Variants in BCL11B observed in about 807,000 individuals in gnomAD.
BCL11B encodes the protein BCL11 transcription factor B, also known as B-cell lymphoma/leukemia 11B.
BCL11B carries 8 observed loss-of-function variants against 49.9 expected under a neutral mutation model. The observed-to-expected ratio is 0.16, with a 90% CI of 0.09 to 0.29. The LOEUF (loss-of-function observed/expected upper bound fraction) is 0.29. Among genes scored for constraint, BCL11B ranks in the 10% least tolerant of loss-of-function variants. The pLI, the probability that BCL11B is intolerant of heterozygous loss-of-function variation, is 1.00. For synonymous variants in BCL11B, 739 were observed against 637.4 expected (o/e 1.16, Z -2.40); for missense variants, 1,006 against 1,351.0 (o/e 0.74, Z 4.00).
intron 3 of BCL11B, among the ~76,000 whole-genome samples, chr14:99,229,510 C>T (rs1392606678): frequency 6.6e-6 from 1 of 152,168 alleles, no homozygotes; most frequent in Non-Finnish European, 1.5e-5. Context: ...TAGCCACTCT[C>T]CCTCCCCAAG....
At chr14:99,260,102 A>G (rs1406690080) in intron 1 of BCL11B, among the ~76,000 whole-genome samples, 1 of 152,238 alleles carries the variant, frequency 6.6e-6, no homozygotes, top group Non-Finnish European at 1.5e-5. Context: ...GCTCTAATAA[A>G]TGGGAGGAGG....
At chr14:99,221,703 C>T (rs1007496230) in intron 3 of BCL11B, among the ~76,000 whole-genome samples, 6 of 152,260 alleles carry the variant, frequency 3.9e-5, no homozygotes, top group African/African-American at 1.2e-4. Context: ...AAAGCAATTT[C>T]GCATCTGCGA....
chr14:99,269,455 C>T (rs1889583008), intron 1 of BCL11B, among the ~76,000 whole-genome samples: 1 of 151,744 alleles, frequency 6.6e-6, no homozygotes, highest in Non-Finnish European at 1.5e-5. Flanking sequence ...AAGAGAAGTC[C>T]TCTTCCCTTC....
At chr14:99,261,441 C>T (rs970233936) in intron 1 of BCL11B, among the ~76,000 whole-genome samples, 2 of 152,330 alleles carry the variant, frequency 1.3e-5, no homozygotes, top group African/African-American at 2.4e-5. Context: ...CTGAGTCTCC[C>T]GGCTCTGCAC....
intron 3 of BCL11B, among the ~76,000 whole-genome samples, chr14:99,227,946 G>C (rs1443080509): frequency 6.6e-6 from 1 of 152,134 alleles, no homozygotes; most frequent in Non-Finnish European, 1.5e-5. Context: ...ATTGGAAAGA[G>C]GTCTAGGGTT....
Position 99,176,039 on chromosome 14 carries a change from G to A in BCL11B, c.797C>T (p.Pro266Leu), listed in dbSNP as rs1435642376. ...CACGGCCTCCGGCCCGAGCGGCGGC[G>A]GGATGGTGAGCCGCGGCGTGAGCGA... ...SSSLTPRLTI[P>L]PPLGPEAVAQ... Residue 266 changes from proline to leucine, a missense_variant, in exon 4 of 4, where the codon CCG becomes CTG. By Grantham distance (98) the Pro-to-Leu change is moderately conservative. Transcript: ENST00000357195. 4 of 1,589,500 alleles carry A rather than the reference G, an allele frequency of 2.5e-6. No homozygotes were observed. The highest frequency in any genetic ancestry group is 1.4e-5 in the African/African-American group (1 of 73,456).
intron 3 of BCL11B, among the ~76,000 whole-genome samples, chr14:99,188,107 T>C (rs1314420234): frequency 1.3e-5 from 2 of 152,186 alleles, no homozygotes; most frequent in Admixed American, 6.5e-5. Flanking sequence ...TCTGCGGGGA[T>C]TGATAAAGCA....
chr14:99,202,634 C>T (rs1314314539), intron 3 of BCL11B, among the ~76,000 whole-genome samples: 1 of 152,176 alleles, frequency 6.6e-6, no homozygotes, highest in Admixed American at 6.5e-5. Context: ...GCAGGGCCCA[C>T]AGAGCCCTGG....
In BCL11B at chr14:99,258,833, C is replaced by T. The variant is rs1369470006; in HGVS notation, c.59-994G>A. Among the ~76,000 whole-genome samples the T allele has an allele frequency of 2.6e-5, 4 of 152,322 alleles. No homozygotes were observed. The South Asian group carries it at 8.3e-4, about 32-fold the overall frequency. Reference sequence around the variant, plus strand: ...AAAGCATTTCTTGGAAGATATCAAACCACACTTTCAATGGACTGTATGTTT... The same window carrying T: ...AAAGCATTTCTTGGAAGATATCAAATCACACTTTCAATGGACTGTATGTTT... On this transcript the variant is annotated intron_variant, in intron 1 of 3. Coordinates refer to ENST00000357195, the MANE Select transcript of BCL11B (RefSeq NM_138576.4).
In BCL11B at chr14:99,220,071, T is replaced by C. The variant is rs376466306; in HGVS notation, c.640+11274A>G. Among the ~76,000 whole-genome samples, 33 of 152,016 alleles carry C rather than the reference T, an allele frequency of 2.2e-4. No individual in the cohort carries two copies. The South Asian group carries it at 6.9e-3, about 32-fold the overall frequency. On this transcript the variant is annotated intron_variant, in intron 3 of 3. Transcript: ENST00000357195. Reference sequence around the variant, plus strand: ...GTTCCTTGGCTATCAACTCCAACAGTCCAAAAAACACTAAAATTACCCAAC... The same window carrying C: ...GTTCCTTGGCTATCAACTCCAACAGCCCAAAAAACACTAAAATTACCCAAC...
chr14:99,249,587 T>G (rs12893398), intron 2 of BCL11B, among the ~76,000 whole-genome samples: 61,367 of 152,090 alleles, frequency 0.4, 13,587 homozygotes, highest in Non-Finnish European at 0.5. Flanking sequence ...GAGAGGTGGA[T>G]GGAATGTAGG....
chr14:99,194,442 G>A lies in BCL11B; in HGVS notation c.641-18247C>T, dbSNP rs1359035841. Among the ~76,000 whole-genome samples, 3 of 152,234 alleles carry A rather than the reference G, an allele frequency of 2.0e-5. No individual in the cohort carries two copies. Among genetic ancestry groups the A allele is most frequent in the Admixed American group, 6.5e-5 (1 of 15,284 alleles). ...GCATGGCCAGAGCTCTGTCCTTCTC[G>A]GCTTCTGCCCTGTGGGGCACCCAGA... On this transcript the variant is annotated intron_variant, in intron 3 of 3. Coordinates refer to ENST00000357195, the MANE Select transcript of BCL11B (RefSeq NM_138576.4). The surrounding 1 kb of genome is among the most constrained non-coding windows in gnomAD (Gnocchi z 4.6).
chr14:99,182,005 A>G (rs1429743325), intron 3 of BCL11B, among the ~76,000 whole-genome samples: 3 of 152,232 alleles, frequency 2.0e-5, no homozygotes, highest in Non-Finnish European at 4.4e-5. Flanking sequence ...TCATGACGTC[A>G]GAAAGGAGAT....
At position 99,247,284 on chromosome 14, in the gene BCL11B, C is replaced by T. The variant is rs1356070510; in HGVS notation, c.427+10187G>A. Among the ~76,000 whole-genome samples the T allele has an allele frequency of 6.6e-6, 1 of 152,168 alleles. No individual in the cohort carries two copies. The highest frequency in any genetic ancestry group is 2.4e-5 in the African/African-American group (1 of 41,428). Reference sequence around the variant, plus strand: ...CCAATGATGCAGAGAGAAGACCACACTGTTTAGCTTTCTTAATTGGCTGGC... The same window carrying T: ...CCAATGATGCAGAGAGAAGACCACATTGTTTAGCTTTCTTAATTGGCTGGC... On this transcript the variant is annotated intron_variant, in intron 2 of 3. Coordinates refer to ENST00000357195, the MANE Select transcript of BCL11B (RefSeq NM_138576.4). The surrounding 1 kb of genome is among the most constrained non-coding windows in gnomAD (Gnocchi z 4.5).
At chr14:99,202,668 G>C (rs28607259) in intron 3 of BCL11B, among the ~76,000 whole-genome samples, 43,179 of 152,096 alleles carry the variant, frequency 0.28, 6,367 homozygotes, top group Non-Finnish European at 0.33. Flanking sequence ...GCCACCTGTC[G>C]TCGGCCACTA....
At chr14:99,199,053 G>A (rs558881308) in intron 3 of BCL11B, among the ~76,000 whole-genome samples, 1 of 152,256 alleles carries the variant, frequency 6.6e-6, no homozygotes, top group African/African-American at 2.4e-5. Flanking sequence ...CAGAAAGGAA[G>A]CATCACTGAT....
chr14:99,263,902 T>C (rs1342746529), intron 1 of BCL11B, among the ~76,000 whole-genome samples: 1 of 152,224 alleles, frequency 6.6e-6, no homozygotes, highest in Non-Finnish European at 1.5e-5. Context: ...TCTCAGCCAT[T>C]ACTAAAAGGT....
intron 3 of BCL11B, among the ~76,000 whole-genome samples, chr14:99,176,416 A>G (rs1886534091): frequency 6.6e-6 from 1 of 152,108 alleles, no homozygotes; most frequent in African/African-American, 2.4e-5. Flanking sequence ...CGCCCTGGCC[A>G]CCCGGGCGCC....
rs1320822571 is a variant in BCL11B at position 99,194,838 on chromosome 14, G to A, written c.641-18643C>T. ...AGACAGGCCTGAACCACGGGCACCC[G>A]ACCAGTAGGACCTTGGTCAGTCCTT... is the stretch of plus-strand genomic sequence containing the variant. On this transcript the variant is annotated intron_variant, in intron 3 of 3. Transcript: ENST00000357195. This position sits in a 1 kb window ranked among gnomAD's most constrained non-coding sequence, Gnocchi z 4.6. 6.6e-6 allele frequency among the ~76,000 whole-genome samples: 1 copy of A among 152,104 alleles called. No homozygotes were observed. Among genetic ancestry groups the A allele is most frequent in the Non-Finnish European group, 1.5e-5 (1 of 68,020 alleles).
Sources: gnomAD v4.1 joint callset for allele counts (sites outside exome capture counted in the v4.1 genomes callset) on GRCh38, gnomAD v4.1.1 for gene constraint, Gnocchi (gnomAD v3.1) non-coding constraint, MANE v1.5 for transcripts, NCBI Gene and HGNC (gene_info 2026-07-23, HGNC 2026-07-21) for gene names.